Variants in TENM2 observed in about 807,000 individuals in gnomAD.
TENM2 encodes teneurin-2.
TENM2 carries 52 observed loss-of-function variants against 245.2 expected under a neutral mutation model. The ratio of observed to expected loss-of-function variants is 0.21; its 90% CI spans 0.17 to 0.27. The LOEUF (loss-of-function observed/expected upper bound fraction) is 0.27. Among genes scored for constraint, TENM2 ranks in the 10% least tolerant of loss-of-function variants. The pLI is 1.00. For missense variants in TENM2, 3,046 were observed against 3,666.8 expected, an observed-to-expected ratio of 0.83 and a Z score of 4.37; for synonymous variants, 1,363 against 1,438.9, an observed-to-expected ratio of 0.95 and a Z score of 1.19.
the TENM2 span, among the ~76,000 whole-genome samples, chr5:167,193,033 T>C: frequency 6.6e-6 from 1 of 152,056 alleles, no homozygotes; most frequent in African/African-American, 2.4e-5. Context: ...TGAATCTGCA[T>C]TGCTACCACA....
chr5:167,116,083 T>C, the TENM2 span, among the ~76,000 whole-genome samples: 1 of 152,328 alleles, frequency 6.6e-6, no homozygotes, highest in Non-Finnish European at 1.5e-5. Context: ...AGAAAAGCCC[T>C]AGGTTAGTTC....
intron 2 of TENM2, among the ~76,000 whole-genome samples, chr5:167,665,189 A>G (rs1036843391): frequency 6.6e-6 from 1 of 152,214 alleles, no homozygotes. Flanking sequence ...AAGGGCAGTG[A>G]CTGTAGGATT....
At chr5:167,915,012 T>C (rs1465642799) in intron 3 of TENM2, among the ~76,000 whole-genome samples, 1 of 152,172 alleles carries the variant, frequency 6.6e-6, no homozygotes, top group Non-Finnish European at 1.5e-5. Context: ...CAACATATCT[T>C]TGTGGTGGGG....
At chr5:167,029,028 A>T in the TENM2 span, among the ~76,000 whole-genome samples, 1 of 152,178 alleles carries the variant, frequency 6.6e-6, no homozygotes, top group Non-Finnish European at 1.5e-5. Context: ...AAAAGCATTA[A>T]ACTTCTTAAT....
chr5:167,178,378 G>T, the TENM2 span, among the ~76,000 whole-genome samples: 1 of 152,154 alleles, frequency 6.6e-6, no homozygotes, highest in Non-Finnish European at 1.5e-5. Context: ...GATTTTCTCT[G>T]GCTTTATTAA....
chr5:167,856,923 A>T (rs1048918451), intron 2 of TENM2, among the ~76,000 whole-genome samples: 3 of 152,196 alleles, frequency 2.0e-5, no homozygotes, highest in Admixed American at 6.5e-5. Context: ...AGCTCTTTAC[A>T]TGTTTATCCA....
intron 2 of TENM2, among the ~76,000 whole-genome samples, chr5:167,861,495 G>A (rs1006246609): frequency 2.6e-5 from 4 of 152,140 alleles, no homozygotes; most frequent in African/African-American, 9.7e-5. Context: ...CGTCACATGC[G>A]AAGAACAGAT....
At chr5:167,924,892 A>G (rs1328682294) in intron 3 of TENM2, among the ~76,000 whole-genome samples, 2 of 152,174 alleles carry the variant, frequency 1.3e-5, no homozygotes, top group African/African-American at 2.4e-5. Context: ...AGAACACCAA[A>G]TACTGGCAGG....
At chr5:167,168,266 C>T in the TENM2 span, 1 of 152,202 alleles carries the variant, frequency 6.6e-6, no homozygotes, top group Non-Finnish European at 1.5e-5. Flanking sequence ...TGAGGTCAAA[C>T]GTCTCTTAAT....
chr5:167,208,566 T>G, the TENM2 span, among the ~76,000 whole-genome samples: 1 of 152,206 alleles, frequency 6.6e-6, no homozygotes. Context: ...ATTATCTTAG[T>G]ATTTAGATTG....
chr5:167,125,440 A>T, the TENM2 span, among the ~76,000 whole-genome samples: 1 of 152,314 alleles, frequency 6.6e-6, no homozygotes, highest in Non-Finnish European at 1.5e-5. Flanking sequence ...GTTGGAGCGG[A>T]ATTTTGTATC....
At chr5:167,745,850 G>C (rs1200915715) in intron 2 of TENM2, among the ~76,000 whole-genome samples, 1 of 152,154 alleles carries the variant, frequency 6.6e-6, no homozygotes, top group Non-Finnish European at 1.5e-5. Flanking sequence ...ATGGTATTCT[G>C]CTGATACAGG....
the TENM2 span, among the ~76,000 whole-genome samples, chr5:167,005,179 C>T: frequency 6.6e-6 from 1 of 152,116 alleles, no homozygotes; most frequent in Non-Finnish European, 1.5e-5. Flanking sequence ...GGGCTTTCTT[C>T]GTGGTGTCTT....
chr5:167,276,160 C>A, the TENM2 span, among the ~76,000 whole-genome samples: 1 of 151,816 alleles, frequency 6.6e-6, no homozygotes, highest in Non-Finnish European at 1.5e-5. Context: ...GCTTTCTTTT[C>A]TTTCTTTCTT....
At position 167,895,432 on chromosome 5, in the gene TENM2, T is replaced by C. The variant is rs541657295; in HGVS notation, c.712+19237T>C. Among the ~76,000 whole-genome samples, 69 of 152,376 alleles carry C rather than the reference T, an allele frequency of 4.5e-4. 1 individual carries two copies. Among genetic ancestry groups the C allele is most frequent in the South Asian group, 2.1e-4 (1 of 4,828 alleles). ...CTTTCATTAATGAAGGAAATGAGCC[T>C]CACAGAGTTTAGCTAACTTGACCAA... On this transcript the variant is annotated intron_variant, in intron 3 of 28. Transcript: ENST00000518659.
At chr5:167,093,855 G>T in the TENM2 span, among the ~76,000 whole-genome samples, 1 of 152,164 alleles carries the variant, frequency 6.6e-6, no homozygotes, top group Non-Finnish European at 1.5e-5. Flanking sequence ...TTGGCCTTAG[G>T]ATAGACTAAC....
At chr5:167,020,808 C>G in the TENM2 span, among the ~76,000 whole-genome samples, 1 of 152,152 alleles carries the variant, frequency 6.6e-6, no homozygotes, top group East Asian at 1.9e-4. Flanking sequence ...AAAAAGAGAT[C>G]TTTTCTGAAA....
chr5:167,377,547 GGTACATAAT>G (rs1158805432), intron 2 of TENM2, among the ~76,000 whole-genome samples: 1 of 151,974 alleles, frequency 6.6e-6, no homozygotes, highest in Non-Finnish European at 1.5e-5. Context: ...ATTCAAAAGA[GGTACATAAT>G]GTATCTTCTG....
At chr5:168,235,355 C>T (rs1765329441) in intron 25 of TENM2, among the ~76,000 whole-genome samples, 1 of 152,146 alleles carries the variant, frequency 6.6e-6, no homozygotes, top group Non-Finnish European at 1.5e-5. Flanking sequence ...GAAGGGCAAG[C>T]CTCTGCAAAC....
Sources: gnomAD v4.1 joint callset for allele counts (sites outside exome capture counted in the v4.1 genomes callset) on GRCh38, gnomAD v4.1.1 for gene constraint, MANE v1.5 for transcripts, NCBI Gene and HGNC (gene_info 2026-07-23, HGNC 2026-07-21) for gene names.